The following NALCN variants were observed in gnomAD, a reference collection of about 807,000 sequenced individuals.
The protein encoded by NALCN is sodium leak channel, non-selective.
In NALCN, 111 loss-of-function variants were observed where a neutral mutation model predicts 225.3. The ratio of observed to expected loss-of-function variants is 0.49; its 90% CI spans 0.42 to 0.58. The LOEUF (loss-of-function observed/expected upper bound fraction) is 0.58, where lower values mean the gene tolerates loss of function less well. Among genes scored for constraint, NALCN ranks in the 20% least tolerant of loss-of-function variants. The probability of loss-of-function intolerance (pLI) is 0.00; values close to 1 mark genes in which losing one functional copy is unlikely to be tolerated. For missense variants in NALCN, 1,378 were observed against 2,202.4 expected (o/e 0.63, Z 7.49); for synonymous variants, 764 against 769.0 (o/e 0.99, Z 0.11).
At chr13:101,206,017 G>T (rs547859843) in intron 13 of NALCN, among the ~76,000 whole-genome samples, 1 of 152,024 alleles carries the variant, frequency 6.6e-6, no homozygotes, top group Admixed American at 6.5e-5. Flanking sequence ...TTTGGTCAGA[G>T]AAATGCTTAT....
intron 37 of NALCN, among the ~76,000 whole-genome samples, 188 bp downstream of exon 37, chr13:101,073,394 ATT>A (rs2033032445): frequency 6.6e-6 from 1 of 152,208 alleles, no homozygotes; most frequent in African/African-American, 2.4e-5. Context: ...AGTTGGGTTA[ATT>A]GAGTATTTTG....
intron 30 of NALCN, among the ~76,000 whole-genome samples, chr13:101,087,473 G>T (rs2033989465): frequency 8.4e-6 from 1 of 119,658 alleles, no homozygotes; most frequent in South Asian, 2.6e-4. Context: ...CTCATGAGCT[G>T]CTTTCTAAAA....
intron 6 of NALCN, among the ~76,000 whole-genome samples, chr13:101,368,324 G>C (rs986143003): frequency 2.6e-5 from 4 of 151,926 alleles, no homozygotes; most frequent in Admixed American, 6.6e-5. Context: ...CCCTACCAAG[G>C]ACATGAACTC....
At chr13:101,101,001 T>C in intron 26 of NALCN, 113 bp from the exon 27 acceptor site, 1 of 817,044 alleles carries the variant, frequency 1.2e-6, no homozygotes, top group South Asian at 2.4e-5. Context: ...AAATCATGGG[T>C]TTTTGATGAT....
chr13:101,273,857 C>A (rs1202750352), intron 10 of NALCN, among the ~76,000 whole-genome samples: 1 of 146,286 alleles, frequency 6.8e-6, no homozygotes, highest in Non-Finnish European at 1.5e-5. Flanking sequence ...CGCACTCCAG[C>A]CTGGGCGACA....
intron 13 of NALCN, among the ~76,000 whole-genome samples, chr13:101,199,969 A>G (rs1236659680): frequency 1.3e-5 from 2 of 151,898 alleles, no homozygotes; most frequent in African/African-American, 4.8e-5. Flanking sequence ...TCAATTTCCT[A>G]ATGTCTAAAT....
intron 40 of NALCN, among the ~76,000 whole-genome samples, chr13:101,065,036 C>G (rs938728371): frequency 6.6e-6 from 1 of 152,188 alleles, no homozygotes; most frequent in African/African-American, 2.4e-5. Context: ...TGCCAGAGCC[C>G]TGTAACCGCA....
At chr13:101,122,591 C>T (rs1270938767) in intron 18 of NALCN, among the ~76,000 whole-genome samples, 4 of 152,240 alleles carry the variant, frequency 2.6e-5, no homozygotes, top group East Asian at 1.9e-4. Context: ...TCTTGCACCA[C>T]GTTAAATAGA....
chr13:101,228,170 CATGA>C (rs1231502541), intron 13 of NALCN, among the ~76,000 whole-genome samples: 1 of 105,338 alleles, frequency 9.5e-6, no homozygotes, highest in Non-Finnish European at 2.1e-5. Flanking sequence ...CTTGGCGGCA[CATGA>C]ATGAAGAATC....
intron 42 of NALCN, chr13:101,058,352 C>T (rs144178675): frequency 3.8e-4 from 92 of 241,294 alleles, no homozygotes; most frequent in African/African-American, 2.0e-3. Flanking sequence ...TTCATATCTT[C>T]GCTGGCAAAC....
intron 43 of NALCN, among the ~76,000 whole-genome samples, chr13:101,056,028 G>A (rs918426589): frequency 6.6e-6 from 1 of 152,094 alleles, no homozygotes; most frequent in African/African-American, 2.4e-5. Flanking sequence ...TGAAGACAAT[G>A]AAAATGTCCT....
intron 14 of NALCN, 90 bp from the exon 15 acceptor site, chr13:101,176,464 A>G: frequency 1.2e-6 from 1 of 824,370 alleles, no homozygotes; most frequent in Non-Finnish European, 1.7e-6. Flanking sequence ...AAATATATTG[A>G]GTATATAATT....
At position 101,301,745 on chromosome 13, in the gene NALCN, A is replaced by G. The variant is rs1042295876; in HGVS notation, c.800-9379T>C. On this transcript the variant is annotated intron_variant, in intron 7 of 43. Coordinates refer to ENST00000251127, the MANE Select transcript of NALCN (RefSeq NM_052867.4). ...CAAAAAAAAAAGACAAGACAAGAAA[A>G]AAAAAAACAAAACCCTACGCTTTGC... Among the ~76,000 whole-genome samples the G allele has an allele frequency of 3.3e-5, 5 of 151,656 alleles. 1 individual carries two copies. The highest frequency in any genetic ancestry group is 2.0e-4 in the East Asian group (1 of 5,124).
At chr13:101,114,963 A>G (rs773397418) in intron 18 of NALCN, among the ~76,000 whole-genome samples, 1 of 152,126 alleles carries the variant, frequency 6.6e-6, no homozygotes, top group Non-Finnish European at 1.5e-5. Context: ...AAAGAGCTCT[A>G]AGAGAGTAGG....
intron 15 of NALCN, among the ~76,000 whole-genome samples, chr13:101,172,258 G>T (rs1200075829): frequency 6.6e-6 from 1 of 152,176 alleles, no homozygotes; most frequent in Middle Eastern, 3.4e-3. Flanking sequence ...GAGCTTCTGA[G>T]GGGAACGCCC....
At chr13:101,365,164 C>T (rs115759366) in intron 6 of NALCN, among the ~76,000 whole-genome samples, 7,731 of 152,116 alleles carry the variant, frequency 0.051, 658 homozygotes, top group African/African-American at 0.17. Flanking sequence ...GCATAGCACC[C>T]GATAGGTAGT....
At chr13:101,340,266 TCAAA>T (rs10623457) in intron 7 of NALCN, among the ~76,000 whole-genome samples, 13 of 147,540 alleles carry the variant, frequency 8.8e-5, no homozygotes, top group South Asian at 4.4e-4. Flanking sequence ...AGACTCCATC[TCAAA>T]CAAACAAACA....
rs529599346 is a variant in NALCN at position 101,406,380 on chromosome 13, C to T, written c.-39-7215G>A. Reference sequence around the variant, plus strand: ...CTATGTCATTCCATTTTCACAAGAACCATTTTACAGATGAGGAAACTTAGG... The same window carrying T: ...CTATGTCATTCCATTTTCACAAGAATCATTTTACAGATGAGGAAACTTAGG... On this transcript the variant is annotated intron_variant, in intron 1 of 43. Transcript: ENST00000251127. Among the ~76,000 whole-genome samples the T allele has an allele frequency of 3.3e-5, 5 of 152,162 alleles. No homozygotes were observed. The South Asian group carries it at 8.3e-4, about 25-fold the overall frequency.
At chr13:101,257,216 T>G (rs1020341065) in intron 11 of NALCN, among the ~76,000 whole-genome samples, 2 of 149,680 alleles carry the variant, frequency 1.3e-5, no homozygotes, top group Non-Finnish European at 3.0e-5. Context: ...ATTGTTTTTT[T>G]TTTTTTTTTT....
Sources: allele counts gnomAD v4.1 joint callset (sites outside exome capture counted in the v4.1 genomes callset), GRCh38; gene constraint gnomAD v4.1.1; transcripts MANE v1.5; gene names NCBI Gene and HGNC (gene_info 2026-07-23, HGNC 2026-07-21).